SLC4A10: variants seen among roughly 807,000 people sequenced by gnomAD.
The protein encoded by SLC4A10 is sodium-driven chloride bicarbonate exchanger.
SLC4A10 carries 42 observed loss-of-function variants against 137.7 expected under a neutral mutation model. The ratio of observed to expected loss-of-function variants is 0.30; its 90% confidence interval spans 0.24 to 0.39. The LOEUF (loss-of-function observed/expected upper bound fraction) is 0.39. Ranked by LOEUF, SLC4A10 falls within the 10% of genes least tolerant of loss-of-function variation. SLC4A10 has a pLI of 1.00. For synonymous variants in SLC4A10, 474 were observed against 464.1 expected (o/e 1.02, Z -0.27); for missense variants, 925 against 1,355.0 (o/e 0.68, Z 4.98).
intron 1 of SLC4A10, among the ~76,000 whole-genome samples, chr2:161,707,595 T>C (rs999970735): frequency 1.3e-5 from 2 of 151,362 alleles, no homozygotes; most frequent in African/African-American, 4.8e-5. Context: ...AATCTTAAAG[T>C]TCCCTGATTC....
intron 2 of SLC4A10, among the ~76,000 whole-genome samples, chr2:161,775,351 T>G (rs2052190796): frequency 6.6e-6 from 1 of 151,896 alleles, no homozygotes; most frequent in Non-Finnish European, 1.5e-5. Context: ...TTACCATTCC[T>G]GTGGGAAGTA....
chr2:161,739,196 T>C (rs1344768978), intron 1 of SLC4A10, among the ~76,000 whole-genome samples: 1 of 152,180 alleles, frequency 6.6e-6, no homozygotes. Context: ...AAGAATTGCA[T>C]AGTCATACTT....
At chr2:161,919,999 C>T (rs576886494) in intron 15 of SLC4A10, among the ~76,000 whole-genome samples, 1 of 152,318 alleles carries the variant, frequency 6.6e-6, no homozygotes, top group Non-Finnish European at 1.5e-5. Flanking sequence ...CAGCCACAGC[C>T]TTGCACAGAG....
intron 1 of SLC4A10, among the ~76,000 whole-genome samples, chr2:161,700,367 C>T (rs1278945578): frequency 1.3e-5 from 2 of 152,008 alleles, no homozygotes; most frequent in Non-Finnish European, 2.9e-5. Flanking sequence ...TTCTTTGTCC[C>T]AGGATTGTGA....
At chr2:161,908,422 A>T (rs1413725784) in intron 15 of SLC4A10, among the ~76,000 whole-genome samples, 4 of 112,738 alleles carry the variant, frequency 3.5e-5, no homozygotes, top group Admixed American at 1.2e-4. Flanking sequence ...AACATCACAC[A>T]CTGGGGACTG....
chr2:161,739,294 G>A (rs980550086), intron 1 of SLC4A10, among the ~76,000 whole-genome samples: 3 of 152,138 alleles, frequency 2.0e-5, no homozygotes, highest in Non-Finnish European at 4.4e-5. Context: ...CACTCCTGTT[G>A]AGTGTGAGCA....
chr2:161,820,081 C>T (rs1226860894), intron 3 of SLC4A10, among the ~76,000 whole-genome samples: 1 of 151,616 alleles, frequency 6.6e-6, no homozygotes. Context: ...GACTATTAAA[C>T]ACATGTTTAA....
At chr2:161,805,492 A>C (rs747462966) in intron 3 of SLC4A10, among the ~76,000 whole-genome samples, 10 of 152,200 alleles carry the variant, frequency 6.6e-5, no homozygotes, top group Non-Finnish European at 1.3e-4. Flanking sequence ...TGAGCCTGTA[A>C]AATCAAAAGC....
chr2:161,857,173 C>T (rs2060153503), intron 5 of SLC4A10, among the ~76,000 whole-genome samples: 1 of 152,144 alleles, frequency 6.6e-6, no homozygotes, highest in Non-Finnish European at 1.5e-5. Context: ...TAACTCTGTC[C>T]CTGTTTCCCA....
intron 1 of SLC4A10, among the ~76,000 whole-genome samples, chr2:161,688,082 T>G (rs1325958106): frequency 6.6e-6 from 1 of 152,218 alleles, no homozygotes; most frequent in Non-Finnish European, 1.5e-5. Flanking sequence ...GAAATATGTT[T>G]TATTCAGTGA....
chr2:161,845,798 A>G (rs1211598611), intron 4 of SLC4A10, among the ~76,000 whole-genome samples: 1 of 152,124 alleles, frequency 6.6e-6, no homozygotes, highest in Non-Finnish European at 1.5e-5. Flanking sequence ...TAGCCTTGAT[A>G]TAAACCTCAC....
At chr2:161,764,648 A>G (rs2050603941) in intron 1 of SLC4A10, among the ~76,000 whole-genome samples, 1 of 152,118 alleles carries the variant, frequency 6.6e-6, no homozygotes, top group South Asian at 2.1e-4. Context: ...TTTTTTTAAC[A>G]TATTCATAAA....
intron 3 of SLC4A10, among the ~76,000 whole-genome samples, chr2:161,828,723 A>G (rs2058196177): frequency 7.7e-6 from 1 of 129,940 alleles, no homozygotes; most frequent in Non-Finnish European, 1.6e-5. Flanking sequence ...TTAATGCTTC[A>G]GGTTCGGCTG....
chr2:161,972,937 G>A (rs961030260), intron 23 of SLC4A10, among the ~76,000 whole-genome samples: 2 of 152,212 alleles, frequency 1.3e-5, no homozygotes, highest in Non-Finnish European at 2.9e-5. Flanking sequence ...GTTTCTTTAG[G>A]TAGCAAGAAA....
Position 161,630,041 on chromosome 2 carries a change from TG to T in SLC4A10, c.48+5478del, listed in dbSNP as rs557198350. ...TGTGTGGACATGTTTTCAATTTCTT[TG>T]GGTAAATACTAAGGATGTTATTACT... On this transcript the variant is annotated intron_variant, in intron 1 of 26. Transcript: ENST00000446997. 3.9e-5 allele frequency among the ~76,000 whole-genome samples: 6 copies of T among 151,992 alleles called. No homozygotes were observed. In the South Asian group the frequency reaches 1.0e-3, roughly 26 times the overall value.
rs552627128 is a variant in SLC4A10 at position 161,713,563 on chromosome 2, C to A, written c.49-57410C>A. 1.4e-3 allele frequency among the ~76,000 whole-genome samples: 216 copies of A among 151,854 alleles called. 2 individuals are homozygous for A. The highest frequency in any genetic ancestry group is 3.9e-4 in the East Asian group (2 of 5,158). On this transcript the variant is annotated intron_variant, in intron 1 of 26. Transcript: ENST00000446997. Reference sequence around the variant, plus strand: ...TGATGTAAACTCCATTTTATTGGTACGTAATCTGATTTAGCTTTGGCTTTG... The same window carrying A: ...TGATGTAAACTCCATTTTATTGGTAAGTAATCTGATTTAGCTTTGGCTTTG...
At chr2:161,906,972 C>T (rs867204259) in intron 15 of SLC4A10, among the ~76,000 whole-genome samples, 15 of 145,744 alleles carry the variant, frequency 1.0e-4, no homozygotes, top group Middle Eastern at 3.4e-3. Flanking sequence ...AGGAGAATGG[C>T]GTGAACCCGG....
At chr2:161,773,753 A>G (rs1026887201) in intron 2 of SLC4A10, among the ~76,000 whole-genome samples, 1 of 151,908 alleles carries the variant, frequency 6.6e-6, no homozygotes, top group African/African-American at 2.4e-5. Flanking sequence ...TCATATGTGT[A>G]TTATACATTC....
At chr2:161,828,808 A>ATGTGTG (rs56676229) in intron 3 of SLC4A10, among the ~76,000 whole-genome samples, 6 of 122,530 alleles carry the variant, frequency 4.9e-5, no homozygotes, top group African/African-American at 1.5e-4. Context: ...ATATATATAT[A>ATGTGTG]TGTATAATCT....
Sources: allele counts gnomAD v4.1 joint callset (sites outside exome capture counted in the v4.1 genomes callset), GRCh38; gene constraint gnomAD v4.1.1; transcripts MANE v1.5; gene names NCBI Gene and HGNC (gene_info 2026-07-23, HGNC 2026-07-21).